The following MAP4K4 variants were observed in gnomAD, a reference collection of about 807,000 sequenced individuals.
The protein encoded by MAP4K4 is mitogen-activated protein kinase kinase kinase kinase 4.
In MAP4K4, 38 loss-of-function variants were observed where a neutral mutation model predicts 189.6. The observed-to-expected ratio is 0.20, with a 90% CI of 0.15 to 0.26. MAP4K4 has a LOEUF of 0.26. Among genes scored for constraint, MAP4K4 ranks in the 10% least tolerant of loss-of-function variants. The pLI is 1.00. For missense variants in MAP4K4, 1,054 were observed against 1,726.9 expected, an observed-to-expected ratio of 0.61 and a Z score of 6.91; for synonymous variants, 610 against 624.3, an observed-to-expected ratio of 0.98 and a Z score of 0.34.
intron 2 of MAP4K4, among the ~76,000 whole-genome samples, chr2:101,729,365 A>G (rs1029796505): frequency 6.6e-6 from 1 of 152,112 alleles, no homozygotes; most frequent in Admixed American, 6.5e-5. Flanking sequence ...AGCATCTTTT[A>G]ATTGAATAGA....
chr2:101,845,200 C>A (rs1334140364), intron 12 of MAP4K4, among the ~76,000 whole-genome samples: 14 of 143,482 alleles, frequency 9.8e-5, no homozygotes, highest in East Asian at 6.2e-4. Context: ...AAAAAAAAAA[C>A]CGAACACACA....
At chr2:101,829,657 A>G in intron 6 of MAP4K4, 63 bp downstream of exon 6, 1 of 1,131,432 alleles carries the variant, frequency 8.8e-7, no homozygotes, top group Non-Finnish European at 1.3e-6. Context: ...CTGCACTCCC[A>G]GTTCTGCTTC....
In MAP4K4 at chr2:101,792,595, C is replaced by T. The variant is rs1313368002; in HGVS notation, c.180+1819C>T. On this transcript the variant is annotated intron_variant, in intron 3 of 32. Coordinates refer to ENST00000324219, the Ensembl canonical transcript of MAP4K4. Reference sequence around the variant, plus strand: ...TTATACTTACTGCCACCTTCTCCTCCTTCTCCTCCTCCTCCTCCTCCTCCT... The same window carrying T: ...TTATACTTACTGCCACCTTCTCCTCTTTCTCCTCCTCCTCCTCCTCCTCCT... Among the ~76,000 whole-genome samples, 3 of 120,632 alleles carry T rather than the reference C, an allele frequency of 2.5e-5. No individual in the cohort carries two copies. The East Asian group carries it at 8.2e-4, about 33-fold the overall frequency. 79.1% of individuals were successfully genotyped at this position (120,632 alleles called of 152,430 possible).
At chr2:101,817,582 T>C (rs967249998) in intron 3 of MAP4K4, among the ~76,000 whole-genome samples, 1 of 152,220 alleles carries the variant, frequency 6.6e-6, no homozygotes. Flanking sequence ...GCAGTCTCAT[T>C]GAAAGATTCA....
At chr2:101,834,296 T>G (rs941407778) in intron 7 of MAP4K4, 113 bp from the exon 8 acceptor site, 32 of 747,588 alleles carry the variant, frequency 4.3e-5, no homozygotes, top group Middle Eastern at 4.7e-4. Context: ...CTTTTAATTT[T>G]CTGGCAAATT....
At chr2:101,877,742 CTTAT>C (rs200579848) in intron 27 of MAP4K4, among the ~76,000 whole-genome samples, 12 of 151,354 alleles carry the variant, frequency 7.9e-5, no homozygotes, top group South Asian at 2.1e-4. Flanking sequence ...CTCTTTTTTA[CTTAT>C]TTATTTATTT....
chr2:101,865,019 A>T, exon 18 of MAP4K4: 4 of 1,565,848 alleles, frequency 2.6e-6, no homozygotes, highest in Non-Finnish European at 3.5e-6. Flanking sequence ...GCCAGGCAGG[A>T]CAGAGAAACT....
At chr2:101,702,356 C>G (rs2149161263) in intron 2 of MAP4K4, among the ~76,000 whole-genome samples, 1 of 152,076 alleles carries the variant, frequency 6.6e-6, no homozygotes. Flanking sequence ...CACTTGAGGT[C>G]AGGAGTTCGA....
At chr2:101,742,507 G>C (rs927536004) in intron 2 of MAP4K4, among the ~76,000 whole-genome samples, 1 of 144,244 alleles carries the variant, frequency 6.9e-6, no homozygotes, top group Admixed American at 7.2e-5. Context: ...TCTCCCTCTA[G>C]GATGTTTACA....
intron 3 of MAP4K4, among the ~76,000 whole-genome samples, chr2:101,819,086 C>T (rs561312473): frequency 6.6e-6 from 1 of 152,270 alleles, no homozygotes; most frequent in African/African-American, 2.4e-5. Context: ...GTAGTTTTGC[C>T]AACTCAACTT....
At chr2:101,875,725 C>G (rs1016343716) in intron 26 of MAP4K4, among the ~76,000 whole-genome samples, 3 of 152,164 alleles carry the variant, frequency 2.0e-5, no homozygotes, top group African/African-American at 7.2e-5. Flanking sequence ...ATCTGTGCTA[C>G]ATGTTACAAA....
At chr2:101,841,608 A>G (rs757721168) in intron 10 of MAP4K4, among the ~76,000 whole-genome samples, 15 of 151,970 alleles carry the variant, frequency 9.9e-5, no homozygotes, top group South Asian at 2.1e-4. Context: ...AGCTGGGATT[A>G]TAGGCATGTA....
rs543815955 is a variant in MAP4K4, at chr2:101,776,736, A to C, written c.124-13984A>C. Among the ~76,000 whole-genome samples, 13 of 152,092 alleles carry C rather than the reference A, an allele frequency of 8.5e-5. No homozygotes were observed. The South Asian group carries it at 2.5e-3, about 29-fold the overall frequency. The stretch of plus-strand genomic sequence containing the variant: ...GAGCCAATTGCCTTAATCAGATGCC[A>C]GGGTAATTTGAAGTGGAAGAAGTGC... On this transcript the variant is annotated intron_variant, in intron 2 of 32. Coordinates refer to ENST00000324219, the Ensembl canonical transcript of MAP4K4.
intron 3 of MAP4K4, among the ~76,000 whole-genome samples, chr2:101,794,666 C>A (rs1048076208): frequency 2.0e-5 from 3 of 152,160 alleles, no homozygotes; most frequent in African/African-American, 7.2e-5. Context: ...TAATGTTCAG[C>A]CTACATTCAT....
At chr2:101,765,899 C>G (rs2078427187) in intron 2 of MAP4K4, among the ~76,000 whole-genome samples, 1 of 151,996 alleles carries the variant, frequency 6.6e-6, no homozygotes, top group Admixed American at 6.6e-5. Context: ...TTGAATTTCT[C>G]TAAAGGTGTT....
chr2:101,710,842 T>A (rs944997975), intron 2 of MAP4K4, among the ~76,000 whole-genome samples: 2 of 152,192 alleles, frequency 1.3e-5, no homozygotes, highest in Non-Finnish European at 2.9e-5. Context: ...TCATCTTGGT[T>A]AATACTACTT....
chr2:101,728,001 A>G (rs140888008), intron 2 of MAP4K4, among the ~76,000 whole-genome samples: 1 of 152,298 alleles, frequency 6.6e-6, no homozygotes, highest in Non-Finnish European at 1.5e-5. Flanking sequence ...TAAGGAGCAC[A>G]CTAAGGGCTC....
At chr2:101,750,291 A>T (rs62155732) in intron 2 of MAP4K4, among the ~76,000 whole-genome samples, 4 of 132,266 alleles carry the variant, frequency 3.0e-5, no homozygotes, top group Non-Finnish European at 6.4e-5. Flanking sequence ...CTGGATTAAG[A>T]AAATGTGGCA....
chr2:101,885,292 C>T lies in MAP4K4; in HGVS notation c.3621+5C>T, dbSNP rs568524542. On this transcript the variant is annotated splice_donor_5th_base_variant and intron_variant, in intron 29 of 32. Transcript: ENST00000324219. The stretch of plus-strand genomic sequence containing the variant: ...CACAAATTTATGGCCTTTAAGGTAA[C>T]AACATCAAGTGAATTTAAAAGTAGT... 1.3e-6 allele frequency: 2 copies of T among 1,546,292 alleles called. No homozygotes were observed. The highest frequency in any genetic ancestry group is 3.5e-5 in the Admixed American group (2 of 56,602).
Sources: allele counts gnomAD v4.1 joint callset (sites outside exome capture counted in the v4.1 genomes callset), GRCh38; gene constraint gnomAD v4.1.1; transcripts MANE v1.5; gene names NCBI Gene and HGNC (gene_info 2026-07-23, HGNC 2026-07-21).